GATC: variants seen among roughly 807,000 people sequenced by gnomAD.
GATC encodes the protein glutamyl-tRNA amidotransferase subunit C.
GATC carries 11 observed loss-of-function variants against 14.4 expected under a neutral mutation model. The ratio of observed to expected loss-of-function variants is 0.77; its 90% CI spans 0.48 to 1.27. The LOEUF is 1.27. Ranked by LOEUF, GATC falls within the 50% of genes most tolerant of loss-of-function variation. The pLI, the probability that GATC is intolerant of heterozygous loss-of-function variation, is 0.00. For synonymous variants in GATC, 76 were observed against 79.3 expected, an observed-to-expected ratio of 0.96 and a Z score of 0.22; for missense variants, 204 against 183.0, an observed-to-expected ratio of 1.11 and a Z score of -0.66.
At position 120,462,181 on chromosome 12, in the gene GATC, C is replaced by T; in HGVS notation, c.*2222C>T. 1.9e-6 allele frequency: 3 copies of T among 1,591,076 alleles called. No homozygotes were observed. The highest frequency in any genetic ancestry group is 1.1e-5 in the South Asian group (1 of 88,148). On this transcript the variant is annotated 3_prime_UTR_variant, in exon 4 of 4. Coordinates refer to ENST00000551765, the MANE Select transcript of GATC (RefSeq NM_176818.3). Reference sequence around the variant, plus strand: ...TTTCACCCTGAAATGCAAACAAAAACAAAAAGAGTAAAGGGGAAAAAAATC... The same window carrying T: ...TTTCACCCTGAAATGCAAACAAAAATAAAAAGAGTAAAGGGGAAAAAAATC...
chr12:120,446,597 A>G (rs1171883508), intron 1 of GATC, 36 bp downstream of exon 1: 1 of 1,590,570 alleles, frequency 6.3e-7, no homozygotes, highest in Non-Finnish European at 8.6e-7. Flanking sequence ...GTGGCGGAGC[A>G]AGCCGGGAGG....
chr12:120,462,249 T>TACTGCCATTGATCCCCCTCA lies in GATC; in HGVS notation c.*2291_*2292insCTGCCATTGATCCCCCTCAA. The TACTGCCATTGATCCCCCTCA allele has an allele frequency of 7.0e-7, 1 of 1,423,582 alleles. No homozygotes were observed. Among genetic ancestry groups the TACTGCCATTGATCCCCCTCA allele is most frequent in the Non-Finnish European group, 9.6e-7 (1 of 1,047,002 alleles). 88.2% of individuals were successfully genotyped at this position (1,423,582 alleles called of 1,614,324 possible). On this transcript the variant is annotated 3_prime_UTR_variant, in exon 4 of 4. Transcript: ENST00000551765. Reference sequence around the variant, plus strand: ...CAAACCAACATCTAACAATAATAGTTAAGTATTGAGCACTTACTGTGTACT... The same window carrying TACTGCCATTGATCCCCCTCA: ...CAAACCAACATCTAACAATAATAGTTACTGCCATTGATCCCCCTCAAAGTATTGAGCACTTACTGTGTACT...
In GATC at chr12:120,460,098, T is replaced by G. The variant is rs1878294278; in HGVS notation, c.*139T>G. The G allele has an allele frequency of 1.6e-6, 1 of 606,134 alleles. No homozygotes were observed. The highest frequency in any genetic ancestry group is 3.0e-6 in the Non-Finnish European group (1 of 338,434). The allele number at this position is 606,134 out of a possible 1,614,324, so 37.5% of individuals were successfully genotyped here. A position where few individuals can be genotyped will look rare whatever the true frequency, so the allele number is the denominator to read the frequency against. On this transcript the variant is annotated 3_prime_UTR_variant, in exon 4 of 4. Transcript: ENST00000551765. Reference sequence around the variant, plus strand: ...GCTCAAGCATTTCTTAATAACAGATTCTTCTGAAGACAGAATTGGGAAAGA... The same window carrying G: ...GCTCAAGCATTTCTTAATAACAGATGCTTCTGAAGACAGAATTGGGAAAGA...
intron 2 of GATC, among the ~76,000 whole-genome samples, chr12:120,452,448 C>T (rs1288654990): frequency 1.3e-5 from 2 of 152,112 alleles, no homozygotes; most frequent in Non-Finnish European, 1.5e-5. Flanking sequence ...TTAAATGTCC[C>T]TCATAGTCTT....
intron 3 of GATC, among the ~76,000 whole-genome samples, chr12:120,459,503 T>C (rs893367411): frequency 6.6e-6 from 1 of 152,196 alleles, no homozygotes; most frequent in Admixed American, 6.6e-5. Context: ...ATATTTTCCA[T>C]GAGAAAGTAG....
intron 2 of GATC, among the ~76,000 whole-genome samples, chr12:120,454,395 C>G (rs1487892084): frequency 6.6e-6 from 1 of 152,114 alleles, no homozygotes; most frequent in African/African-American, 2.4e-5. Context: ...GCAATGGGAT[C>G]TGAATTCAGC....
rs1301193806 is a variant in GATC at position 120,460,908 on chromosome 12, G to A, written c.*949G>A. ...TAGTCCCAGCTACTCGGGAGGCTGA[G>A]GCAGGAGAATGGCGTGAACCCGGGA... On this transcript the variant is annotated 3_prime_UTR_variant, in exon 4 of 4. Coordinates refer to ENST00000551765, the MANE Select transcript of GATC (RefSeq NM_176818.3). 1.3e-5 allele frequency: 2 copies of A among 151,906 alleles called. No individual in the cohort carries two copies. The highest frequency in any genetic ancestry group is 4.8e-5 in the African/African-American group (2 of 41,332). 9.4% of individuals were successfully genotyped at this position (151,906 alleles called of 1,614,324 possible).
At position 120,448,960 on chromosome 12, in the gene GATC, CT is replaced by C. The variant is rs370203860; in HGVS notation, c.254+2146del. Among the ~76,000 whole-genome samples, 1,045 of 139,978 alleles carry C rather than the reference CT, an allele frequency of 7.5e-3. 3 individuals are homozygous for C. Among genetic ancestry groups the C allele is most frequent in the African/African-American group, 0.017 (642 of 37,854 alleles). 91.8% of individuals were successfully genotyped at this position (139,978 alleles called of 152,430 possible). ...GTCTTCATTCTTTTATACTTAGGTT[CT>C]TTTTTTTTTTTTTTAATTGAGACAA... On this transcript the variant is annotated intron_variant, in intron 2 of 3. Transcript: ENST00000551765.
At chr12:120,449,727 T>C (rs1198602155) in intron 2 of GATC, among the ~76,000 whole-genome samples, 4 of 149,020 alleles carry the variant, frequency 2.7e-5, no homozygotes, top group Non-Finnish European at 6.0e-5. Flanking sequence ...GAATACAGCC[T>C]TGAGCTGCCG....
intron 3 of GATC, among the ~76,000 whole-genome samples, chr12:120,458,509 T>C (rs1243212439): frequency 1.3e-5 from 2 of 152,254 alleles, no homozygotes; most frequent in Non-Finnish European, 2.9e-5. Context: ...ACAGCTGGTA[T>C]AGAGATTTGC....
At chr12:120,457,238 AG>A (rs367932174) in intron 3 of GATC, 59 bp downstream of exon 3, 13 of 1,210,720 alleles carry the variant, frequency 1.1e-5, no homozygotes, top group African/African-American at 6.0e-5. Flanking sequence ...GGAATGAAGC[AG>A]GAAGCATGAG....
rs118107779 is a variant in GATC at position 120,453,372 on chromosome 12, A to G, written c.255-3704A>G. Among the ~76,000 whole-genome samples the G allele has an allele frequency of 2.1e-3, 314 of 152,344 alleles. 5 individuals are homozygous for G. The East Asian group carries it at 0.04, about 19-fold the overall frequency. On this transcript the variant is annotated intron_variant, in intron 2 of 3. Transcript: ENST00000551765. ...GTTCCTCAGCCAAACCAGAACACAG[A>G]AAGATTCAAGTGACTTTTTTTCAGT...
At chr12:120,458,676 T>TG (rs775083336) in intron 3 of GATC, among the ~76,000 whole-genome samples, 9 of 151,970 alleles carry the variant, frequency 5.9e-5, no homozygotes, top group African/African-American at 1.5e-4. Context: ...CATCTGGGAG[T>TG]GGGACTAGCC....
At chr12:120,454,912 C>G (rs568125825) in intron 2 of GATC, 89 of 368,436 alleles carry the variant, frequency 2.4e-4, no homozygotes, top group South Asian at 1.6e-3. Flanking sequence ...GTGTGAGACA[C>G]TGTCTCACTC....
At chr12:120,451,143 C>T (rs1400373879) in intron 2 of GATC, among the ~76,000 whole-genome samples, 19 of 56,398 alleles carry the variant, frequency 3.4e-4, no homozygotes, top group Middle Eastern at 0.016. Flanking sequence ...GACTCCATCT[C>T]AAAAAAAAAA....
intron 2 of GATC, among the ~76,000 whole-genome samples, chr12:120,453,658 A>G (rs1878106340): frequency 6.6e-6 from 1 of 152,096 alleles, no homozygotes; most frequent in Non-Finnish European, 1.5e-5. Context: ...TTGCTGTACC[A>G]CTGTCACAGA....
rs146903010 is a variant in GATC at position 120,446,768 on chromosome 12, G to A, written c.193G>A (p.Asp65Asn). ...ACTGGAGAAAGCTATCGCCTTCGCC[G>A]ACCGGCTACGCGCCGTGGACACAGA... The part of the protein sequence containing the change: ...ARLEKAIAFA[D>N]RLRAVDTDGV... The change falls in exon 2 of 4, where the codon GAC becomes AAC. Residue 65 changes from aspartate (D) to asparagine (N), a missense_variant. Physicochemically the swap from Asp to Asn is conservative, Grantham distance 23. Transcript: ENST00000551765. The A allele has an allele frequency of 3.1e-6, 5 of 1,613,910 alleles. No individual in the cohort carries two copies. The African/African-American group carries it at 4.0e-5, about 13-fold the overall frequency.
chr12:120,462,447 A>C lies in GATC; in HGVS notation c.*2488A>C. On this transcript the variant is annotated 3_prime_UTR_variant, in exon 4 of 4. Coordinates refer to ENST00000551765, the MANE Select transcript of GATC (RefSeq NM_176818.3). The stretch of plus-strand genomic sequence containing the variant: ...GATACTCAATTAACTATGATAAACA[A>C]TATATCTGAATTACTGCCATTGACC... 1 of 269,428 alleles carries C rather than the reference A, an allele frequency of 3.7e-6. No homozygotes were observed. The highest frequency in any genetic ancestry group is 5.1e-5 in the Admixed American group (1 of 19,546). 16.7% of individuals were successfully genotyped at this position (269,428 alleles called of 1,614,324 possible).
At chr12:120,459,088 C>T (rs1459446133) in intron 3 of GATC, among the ~76,000 whole-genome samples, 1 of 152,048 alleles carries the variant, frequency 6.6e-6, no homozygotes, top group Non-Finnish European at 1.5e-5. Flanking sequence ...TCTCTCTCTC[C>T]TGACCTCGTG....
Sources: gnomAD v4.1 joint callset for allele counts (sites outside exome capture counted in the v4.1 genomes callset) on GRCh38, gnomAD v4.1.1 for gene constraint, MANE v1.5 for transcripts, NCBI Gene and HGNC (gene_info 2026-07-23, HGNC 2026-07-21) for gene names.